GLRA3: variants seen among roughly 807,000 people sequenced by gnomAD.
The protein encoded by GLRA3 is glycine receptor subunit alpha-3.
A neutral mutation model predicts 60.4 loss-of-function variants in GLRA3; 44 were observed. That is an observed-to-expected ratio of 0.73 (90% CI 0.57 to 0.94). The LOEUF (loss-of-function observed/expected upper bound fraction) is 0.94. Among genes scored for constraint, GLRA3 ranks in the 40% least tolerant of loss-of-function variants. The pLI is 0.00. For missense variants in GLRA3, 508 were observed against 564.6 expected (o/e 0.90, Z 1.02); for synonymous variants, 223 against 192.9 (o/e 1.16, Z -1.29).
chr4:174,783,913 G>A (rs1280903598), intron 2 of GLRA3, among the ~76,000 whole-genome samples: 5 of 151,590 alleles, frequency 3.3e-5, no homozygotes, highest in Admixed American at 2.0e-4. Context: ...TCAGTGTGGC[G>A]ATTCCTCAGG....
intron 2 of GLRA3, among the ~76,000 whole-genome samples, chr4:174,779,630 A>G (rs1446322712): frequency 6.6e-6 from 1 of 152,228 alleles, no homozygotes; most frequent in East Asian, 1.9e-4. Context: ...GAGCTGACGG[A>G]GCTGAAAACC....
chr4:174,686,510 G>T (rs143043481), intron 5 of GLRA3, among the ~76,000 whole-genome samples: 21 of 152,310 alleles, frequency 1.4e-4, no homozygotes, highest in African/African-American at 5.1e-4. Flanking sequence ...ATGGCTCAGG[G>T]CAACCAAACG....
chr4:174,753,426 A>T (rs1352720814), intron 3 of GLRA3, among the ~76,000 whole-genome samples: 2 of 152,224 alleles, frequency 1.3e-5, no homozygotes, highest in African/African-American at 4.8e-5. Flanking sequence ...GACATGCTAG[A>T]TTCATAACTA....
chr4:174,681,508 C>G (rs1734341869), intron 6 of GLRA3, among the ~76,000 whole-genome samples: 1 of 152,256 alleles, frequency 6.6e-6, no homozygotes, highest in South Asian at 2.1e-4. Flanking sequence ...CACAGACACA[C>G]AGGGGAATCC....
intron 4 of GLRA3, among the ~76,000 whole-genome samples, chr4:174,717,021 A>C (rs1735945373): frequency 6.6e-6 from 1 of 151,486 alleles, no homozygotes; most frequent in African/African-American, 2.4e-5. Flanking sequence ...GGCAACATAA[A>C]AATACTCTAT....
chr4:174,759,584 A>G (rs1273787680), intron 3 of GLRA3, among the ~76,000 whole-genome samples: 1 of 152,232 alleles, frequency 6.6e-6, no homozygotes, highest in Non-Finnish European at 1.5e-5. Context: ...AACTTTATGA[A>G]AAGCCAATTC....
chr4:174,764,346 A>C (rs545658910), intron 3 of GLRA3, among the ~76,000 whole-genome samples: 2 of 152,130 alleles, frequency 1.3e-5, no homozygotes, highest in Non-Finnish European at 2.9e-5. Flanking sequence ...AAGACATTGA[A>C]GACAGTTAAG....
intron 4 of GLRA3, among the ~76,000 whole-genome samples, chr4:174,721,591 T>C (rs558983921): frequency 2.0e-5 from 3 of 151,982 alleles, no homozygotes; most frequent in South Asian, 2.1e-4. Context: ...AGATGGCTCA[T>C]TGAGTAATGG....
At chr4:174,720,408 T>G (rs1475378277) in intron 4 of GLRA3, among the ~76,000 whole-genome samples, 1 of 152,226 alleles carries the variant, frequency 6.6e-6, no homozygotes, top group African/African-American at 2.4e-5. Flanking sequence ...GGTGCTTTAT[T>G]TAATGTATTT....
In GLRA3 at chr4:174,828,774, C is replaced by A. The variant is rs745435987; in HGVS notation, c.38G>T (p.Gly13Val). ...HVRHFRTLVS[G>V]FYFWEAALLL... The stretch of plus-strand genomic sequence containing the variant: ...CAGTGCTGCTTCCCAGAAGTAAAAT[C>A]CCGAAACTAATGTCCGAAAGTGTCT... The change falls in exon 1 of 10, where the codon GGA becomes GTA. Residue 13 changes from glycine to valine, a missense_variant. This residue lies in a region of GLRA3 where 329 missense variants were observed against 349.3 expected (regional missense o/e 0.94). Transcript: ENST00000274093. 6 of 1,612,616 alleles carry A rather than the reference C, an allele frequency of 3.7e-6. No homozygotes were observed. The highest frequency in any genetic ancestry group is 5.1e-6 in the Non-Finnish European group (6 of 1,178,626).
rs150915189 is a variant in GLRA3, at chr4:174,774,440, A to G, written c.200-7410T>C. On this transcript the variant is annotated intron_variant, in intron 2 of 9. Transcript: ENST00000274093. ...TATGCTTATATGTGTGGGTATATAT[A>G]GATATATCCTGGCAGGCACCAACTT... 2.7e-3 allele frequency among the ~76,000 whole-genome samples: 406 copies of G among 148,242 alleles called. 2 individuals carry two copies. Among genetic ancestry groups the G allele is most frequent in the African/African-American group, 9.7e-3 (390 of 40,158 alleles).
At chr4:174,651,582 C>G (rs149004866) in intron 9 of GLRA3, among the ~76,000 whole-genome samples, 34 of 152,186 alleles carry the variant, frequency 2.2e-4, no homozygotes, top group African/African-American at 8.2e-4. Context: ...CTCAGAGTAA[C>G]CAAACTAGCA....
At chr4:174,731,666 A>G (rs1385507767) in intron 3 of GLRA3, among the ~76,000 whole-genome samples, 1 of 152,224 alleles carries the variant, frequency 6.6e-6, no homozygotes, top group Non-Finnish European at 1.5e-5. Flanking sequence ...CTACGATGTC[A>G]GAATTAAGAA....
chr4:174,788,118 A>G (rs1161283797), intron 2 of GLRA3, among the ~76,000 whole-genome samples: 3 of 152,082 alleles, frequency 2.0e-5, no homozygotes, highest in Non-Finnish European at 4.4e-5. Context: ...AGAACATGTT[A>G]AATAAGTTGG....
intron 7 of GLRA3, among the ~76,000 whole-genome samples, chr4:174,667,056 T>C (rs193040883): frequency 2.0e-5 from 3 of 152,144 alleles, no homozygotes; most frequent in African/African-American, 7.2e-5. Flanking sequence ...GACCCTGAAA[T>C]GGTGTTGTCA....
chr4:174,656,757 G>T lies in GLRA3; in HGVS notation c.1102C>A (p.Arg368Ser). ...AGTCAATTTACCATATCTGAGAAAC[G>T]GTAAAACTTCTCCAGTGCAAAAGCT... ...TEAFALEKFY[R>S]FSDMDDEVRE... is the part of the protein sequence containing the mutation. Residue 368 changes from arginine to serine, a missense_variant, in exon 9 of 10, where the codon CGT becomes AGT. Around this residue, in one of 3 missense-constraint regions of GLRA3, gnomAD observed 176 missense variants for 197.9 expected, o/e 0.89. Coordinates refer to ENST00000274093, the MANE Select transcript of GLRA3 (RefSeq NM_006529.4). 1.3e-6 allele frequency: 2 copies of T among 1,580,528 alleles called. No individual in the cohort carries two copies. Among genetic ancestry groups the T allele is most frequent in the South Asian group, 1.1e-5 (1 of 90,282 alleles).
At chr4:174,689,319 G>A (rs552761397) in intron 5 of GLRA3, among the ~76,000 whole-genome samples, 1 of 152,284 alleles carries the variant, frequency 6.6e-6, no homozygotes, top group South Asian at 2.1e-4. Flanking sequence ...AGTAAGAATA[G>A]TGGAATATCA....
At chr4:174,732,315 T>A (rs906800817) in intron 3 of GLRA3, among the ~76,000 whole-genome samples, 2 of 149,272 alleles carry the variant, frequency 1.3e-5, no homozygotes, top group South Asian at 2.1e-4. Context: ...AGATCACGCC[T>A]CTGCACTCCA....
In GLRA3 at chr4:174,793,447, T is replaced by TATTC. The variant is rs1278340160; in HGVS notation, c.72-4505_72-4504insGAAT. Among the ~76,000 whole-genome samples the TATTC allele has an allele frequency of 1.1e-4, 16 of 150,622 alleles. No individual in the cohort carries two copies. The South Asian group carries it at 3.3e-3, about 31-fold the overall frequency. ...TCATTTATTTATTTATTTATTTATT[T>TATTC]ATTTATTTATTTATTTATATTTAGA... On this transcript the variant is annotated intron_variant, in intron 1 of 9. Coordinates refer to ENST00000274093, the MANE Select transcript of GLRA3 (RefSeq NM_006529.4).
Sources: gnomAD v4.1 joint callset for allele counts (sites outside exome capture counted in the v4.1 genomes callset) on GRCh38, gnomAD v4.1.1 for gene constraint, gnomAD v4.1.1 regional missense constraint, MANE v1.5 for transcripts, NCBI Gene and HGNC (gene_info 2026-07-23, HGNC 2026-07-21) for gene names.